EPM2A: variants seen among roughly 807,000 people sequenced by gnomAD.
The protein encoded by EPM2A is laforin.
A neutral mutation model predicts 26.5 loss-of-function variants in EPM2A; 21 were observed. That is an observed-to-expected ratio of 0.79 (90% CI 0.56 to 1.14). The LOEUF is 1.14. Among genes scored for constraint, EPM2A ranks in the 50% most tolerant of loss-of-function variants. The pLI is 0.00. For missense variants in EPM2A, 458 were observed against 440.8 expected (o/e 1.04, Z -0.35); for synonymous variants, 217 against 177.6 (o/e 1.22, Z -1.76).
intron 4 of EPM2A, among the ~76,000 whole-genome samples, chr6:145,483,702 C>T (rs1779637042): frequency 6.6e-6 from 1 of 152,092 alleles, no homozygotes; most frequent in African/African-American, 2.4e-5. Context: ...AACAAGGATG[C>T]CCAAGCACAT....
intron 4 of EPM2A, among the ~76,000 whole-genome samples, chr6:145,478,534 A>T (rs1282850904): frequency 6.6e-6 from 1 of 151,940 alleles, no homozygotes; most frequent in Non-Finnish European, 1.5e-5. Flanking sequence ...ATTATGTTAC[A>T]GAACTATAGT....
At chr6:145,544,661 G>A (rs1780559974) in intron 2 of EPM2A, among the ~76,000 whole-genome samples, 1 of 152,104 alleles carries the variant, frequency 6.6e-6, no homozygotes, top group Non-Finnish European at 1.5e-5. Flanking sequence ...GCAGAAACTG[G>A]TATATCTGTG....
At chr6:145,646,904 C>T (rs189781517) in intron 2 of EPM2A, among the ~76,000 whole-genome samples, 1 of 152,118 alleles carries the variant, frequency 6.6e-6, no homozygotes, top group South Asian at 2.1e-4. Context: ...CCACAGCCAC[C>T]CAGTCATGTA....
chr6:145,448,809 C>T (rs973259681), intron 4 of EPM2A, among the ~76,000 whole-genome samples: 6 of 152,246 alleles, frequency 3.9e-5, no homozygotes, highest in East Asian at 1.9e-4. Context: ...ATAATTTGTA[C>T]ACTTATTTTT....
intron 2 of EPM2A, among the ~76,000 whole-genome samples, chr6:145,646,311 C>T (rs1777457040): frequency 6.6e-6 from 1 of 152,004 alleles, no homozygotes; most frequent in Non-Finnish European, 1.5e-5. Context: ...CACGTGCCAC[C>T]ACGCTTGGCT....
chr6:145,394,189 T>C (rs1199954025), intron 4 of EPM2A, among the ~76,000 whole-genome samples: 1 of 152,148 alleles, frequency 6.6e-6, no homozygotes, highest in Non-Finnish European at 1.5e-5. Flanking sequence ...CTCCTCTCCG[T>C]ATGATGGAGA....
At chr6:145,407,353 T>C (rs905855040) in intron 4 of EPM2A, among the ~76,000 whole-genome samples, 2 of 152,174 alleles carry the variant, frequency 1.3e-5, no homozygotes, top group African/African-American at 4.8e-5. Flanking sequence ...GCTCTGGACC[T>C]ACAACTAAGA....
At chr6:145,662,153 T>C (rs1778765324) in intron 2 of EPM2A, among the ~76,000 whole-genome samples, 1 of 152,180 alleles carries the variant, frequency 6.6e-6, no homozygotes, top group South Asian at 2.1e-4. Flanking sequence ...GTTCCTCCCT[T>C]CTTCCCACTT....
chr6:145,634,975 C>T (rs551923553), intron 3 of EPM2A: 16 of 360,536 alleles, frequency 4.4e-5, no homozygotes, highest in South Asian at 4.0e-4. Flanking sequence ...GCCTGTCTTT[C>T]TTTACTGCTG....
intron 4 of EPM2A, among the ~76,000 whole-genome samples, chr6:145,464,080 A>G (rs1418860600): frequency 6.6e-6 from 1 of 152,002 alleles, no homozygotes; most frequent in Admixed American, 6.6e-5. Context: ...GCCATGTAAG[A>G]CATGCCTGCT....
In EPM2A at chr6:145,570,099, A is replaced by C. The variant is rs1175164736; in HGVS notation, c.340+65146T>G. Among the ~76,000 whole-genome samples the C allele has an allele frequency of 3.9e-5, 6 of 152,186 alleles. No homozygotes were observed. In the East Asian group the frequency reaches 1.2e-3, roughly 29 times the overall value. ...TATATTCTAGCTGTGCTGGCAGCTG[A>C]ATAGATTATGGCCACCAGATTAAGG... On this transcript the variant is annotated intron_variant, in intron 2 of 3. Transcript: ENST00000450221.
intron 2 of EPM2A, among the ~76,000 whole-genome samples, chr6:145,664,900 C>A (rs1449058997): frequency 6.7e-6 from 1 of 149,838 alleles, no homozygotes; most frequent in East Asian, 2.0e-4. Flanking sequence ...GAACAACCTG[C>A]TCCTGAATGA....
intron 2 of EPM2A, among the ~76,000 whole-genome samples, chr6:145,508,381 C>A (rs1415567437): frequency 3.9e-5 from 6 of 152,226 alleles, no homozygotes; most frequent in African/African-American, 9.6e-5. Flanking sequence ...GCATCATCTA[C>A]TGGCTGGAAG....
intron 3 of EPM2A, among the ~76,000 whole-genome samples, chr6:145,632,912 G>A (rs1776372413): frequency 6.6e-6 from 1 of 152,196 alleles, no homozygotes; most frequent in African/African-American, 2.4e-5. Context: ...TTACAGCTGG[G>A]CCTTTATCAC....
rs1048537614 is a variant in EPM2A, at chr6:145,479,209, A to T, written c.555+23313T>A. Among the ~76,000 whole-genome samples, 9 of 148,572 alleles carry T rather than the reference A, an allele frequency of 6.1e-5. No individual in the cohort carries two copies. In the South Asian group the frequency reaches 6.3e-4, roughly 10 times the overall value. On this transcript the variant is annotated intron_variant, in intron 4 of 4. Coordinates refer to the EPM2A transcript ENST00000638717. ...CTGTATTATTATCCATTTTTGCCAA[A>T]TTTTTTTATTTTAGTAAAATATATA...
chr6:145,416,811 C>A lies in EPM2A; in HGVS notation c.556-32714G>T, dbSNP rs368035960. On this transcript the variant is annotated intron_variant, in intron 4 of 4. Transcript: ENST00000638717. ...TGTTACACAATAGACAAACTGACAA[C>A]ATTTTGAGGGTGATTTATGTTTAGG... Among the ~76,000 whole-genome samples, 286 of 151,318 alleles carry A rather than the reference C, an allele frequency of 1.9e-3. 8 individuals are homozygous for A. In the South Asian group the frequency reaches 0.042, roughly 22 times the overall value.
chr6:145,555,083 A>G (rs1413083113), intron 2 of EPM2A, among the ~76,000 whole-genome samples: 1 of 152,134 alleles, frequency 6.6e-6, no homozygotes, highest in Non-Finnish European at 1.5e-5. Context: ...CATAAAATTA[A>G]TGATCACAGG....
intron 2 of EPM2A, among the ~76,000 whole-genome samples, chr6:145,605,958 T>C (rs1775241370): frequency 6.6e-6 from 1 of 152,078 alleles, no homozygotes; most frequent in Non-Finnish European, 1.5e-5. Context: ...AGAAATAATA[T>C]ATAATTCTAG....
At chr6:145,565,425 A>G (rs1780872133) in intron 2 of EPM2A, among the ~76,000 whole-genome samples, 1 of 152,150 alleles carries the variant, frequency 6.6e-6, no homozygotes, top group South Asian at 2.1e-4. Flanking sequence ...TGGGGAGGGA[A>G]TCTTTAGGTA....
Sources: allele counts gnomAD v4.1 joint callset (sites outside exome capture counted in the v4.1 genomes callset), GRCh38; gene constraint gnomAD v4.1.1; transcripts MANE v1.5; gene names NCBI Gene and HGNC (gene_info 2026-07-23, HGNC 2026-07-21).